ANPEP: variants seen among roughly 807,000 people sequenced by gnomAD.
ANPEP encodes alanyl aminopeptidase, membrane, also known as aminopeptidase N.
A neutral mutation model predicts 114.6 loss-of-function variants in ANPEP; 70 were observed. That is an observed-to-expected ratio of 0.61 (90% CI 0.50 to 0.75). ANPEP has a LOEUF of 0.75. Ranked by LOEUF, ANPEP falls within the 30% of genes least tolerant of loss-of-function variation. ANPEP has a pLI of 0.00. For synonymous variants in ANPEP, 548 were observed against 522.3 expected (o/e 1.05, Z -0.67); for missense variants, 1,184 against 1,259.5 (o/e 0.94, Z 0.91).
chr15:89,806,307 G>C lies in ANPEP; in HGVS notation c.277C>G (p.Leu93Val). The C allele has an allele frequency of 6.2e-7, 1 of 1,614,160 alleles. No homozygotes were observed. Among genetic ancestry groups the C allele is most frequent in the South Asian group, 1.1e-5 (1 of 91,080 alleles). ...TACAGGCCCCTGTCATTGGGGGTGA[G>C]GTACGGTCTCAGCGTCACCCGGTAG... is the stretch of plus-strand genomic sequence containing the variant. Reference protein sequence around the residue: ...DSYRVTLRPYLTPNDRGLYVF... With the variant: ...DSYRVTLRPYVTPNDRGLYVF... The change falls in exon 2 of 21, where the codon CTC becomes GTC. Residue 93 changes from leucine to valine, a missense_variant. Leu to Val is a conservative substitution (Grantham distance 32). Coordinates refer to ENST00000300060, the MANE Select transcript of ANPEP (RefSeq NM_001150.3). The surrounding 1 kb of genome is among the most constrained non-coding windows in gnomAD (Gnocchi z 5.7).
chr15:89,797,395 C>T, intron 15 of ANPEP, 180 bp downstream of exon 15: 1 of 899,218 alleles, frequency 1.1e-6, no homozygotes, highest in Non-Finnish European at 1.6e-6. Flanking sequence ...CGCTCTTTCA[C>T]CTGCGTGCTC....
chr15:89,793,002 A>G, intron 16 of ANPEP, 33 bp downstream of exon 16: 1 of 1,582,716 alleles, frequency 6.3e-7, no homozygotes, highest in African/African-American at 1.3e-5. Context: ...CGGGGTGCCC[A>G]GGACTTCCAA....
intron 4 of ANPEP, 177 bp from the exon 5 acceptor site, chr15:89,804,794 G>A (rs1034018563): frequency 2.1e-6 from 2 of 948,742 alleles, no homozygotes; most frequent in Non-Finnish European, 3.1e-6. Context: ...TCTGGAGGCT[G>A]TGGGTCCTAG....
intron 18 of ANPEP, 57 bp from the exon 19 acceptor site, chr15:89,791,150 C>T: frequency 1.3e-6 from 2 of 1,594,230 alleles, no homozygotes; most frequent in East Asian, 2.2e-5. Flanking sequence ...CAGGAGAGAA[C>T]TTGGACTGTC....
Position 89,799,696 on chromosome 15 carries a change from A to C in ANPEP, c.1820-137T>G, listed in dbSNP as rs1479191719. On this transcript the variant is annotated intron_variant, in intron 12 of 20. Coordinates refer to ENST00000300060, the MANE Select transcript of ANPEP (RefSeq NM_001150.3). This position sits in a 1 kb window ranked among gnomAD's most constrained non-coding sequence, Gnocchi z 4.2. Reference sequence around the variant, plus strand: ...TGCTGGGGAGACGCTAAGGGTGGGGAAGGAAGGGATGAGGAACTGGGCTGC... The same window carrying C: ...TGCTGGGGAGACGCTAAGGGTGGGGCAGGAAGGGATGAGGAACTGGGCTGC... The C allele has an allele frequency of 3.2e-5, 42 of 1,304,160 alleles. No individual in the cohort carries two copies. Among genetic ancestry groups the C allele is most frequent in the East Asian group, 2.1e-4 (9 of 43,082 alleles). 80.8% of individuals were successfully genotyped at this position (1,304,160 alleles called of 1,614,324 possible).
chr15:89,803,619 C>A lies in ANPEP; in HGVS notation c.1437+28G>T, dbSNP rs779028821. On this transcript the variant is annotated intron_variant, in intron 8 of 20. Transcript: ENST00000300060. This position sits in a 1 kb window ranked among gnomAD's most constrained non-coding sequence, Gnocchi z 4.2. ...TCCAGGCCAAGTCCCCACCTCCTTC[C>A]CCGTGCCCCACGAGGAGCGGGCTGC... The A allele has an allele frequency of 2.2e-5, 36 of 1,605,188 alleles. No individual in the cohort carries two copies. The highest frequency in any genetic ancestry group is 2.8e-5 in the Non-Finnish European group (33 of 1,175,066).
At chr15:89,804,134 C>T (rs1894656705) in intron 6 of ANPEP, 119 bp downstream of exon 6, 1 of 1,555,664 alleles carries the variant, frequency 6.4e-7, no homozygotes, top group South Asian at 1.2e-5. Context: ...CCCCTTCCTG[C>T]TGCCCTGCCA....
intron 1 of ANPEP, among the ~76,000 whole-genome samples, chr15:89,812,828 A>G (rs923173370): frequency 6.6e-6 from 1 of 152,144 alleles, no homozygotes; most frequent in Non-Finnish European, 1.5e-5. Flanking sequence ...TATGCCTCCT[A>G]AAAATGTCCT....
At chr15:89,807,683 A>G (rs1244315801) in intron 1 of ANPEP, among the ~76,000 whole-genome samples, 2 of 152,264 alleles carry the variant, frequency 1.3e-5, no homozygotes, top group Admixed American at 1.3e-4. Context: ...CCTGGGTGAC[A>G]GAGTGAGACT....
chr15:89,797,951 T>C (rs1049068445), intron 14 of ANPEP, among the ~76,000 whole-genome samples: 1 of 152,244 alleles, frequency 6.6e-6, no homozygotes, highest in African/African-American at 2.4e-5. Context: ...CCTCACCCAT[T>C]GGCAGTTCCA....
At chr15:89,801,333 G>A in intron 11 of ANPEP, 102 bp downstream of exon 11, 1 of 1,546,854 alleles carries the variant, frequency 6.5e-7, no homozygotes, top group South Asian at 1.2e-5. Flanking sequence ...TGTCTACAGT[G>A]GCTGGGGCTG....
Position 89,791,059 on chromosome 15 carries a change from G to A in ANPEP, c.2563C>T (p.Arg855Trp), listed in dbSNP as rs369201239. The A allele has an allele frequency of 1.2e-5, 19 of 1,614,106 alleles. No homozygotes were observed. The highest frequency in any genetic ancestry group is 2.2e-5 in the East Asian group (1 of 44,892). The change falls in exon 19 of 21, where the codon CGG becomes TGG. Residue 855 changes from arginine (R) to tryptophan (W), a missense_variant. Physicochemically the swap from Arg to Trp is moderately radical, Grantham distance 101. Coordinates refer to ENST00000300060, the MANE Select transcript of ANPEP (RefSeq NM_001150.3). ...ATGGTAGAGGTGGCGTCCTGCTTCC[G>A]GATTAAGTCCGGGTTCAGGGTGTAG... Reference protein sequence around the residue: ...LSYTLNPDLIRKQDATSTIIS... With the variant: ...LSYTLNPDLIWKQDATSTIIS...
At position 89,799,395 on chromosome 15, in the gene ANPEP, G is replaced by A. The variant is rs374874026; in HGVS notation, c.1953+31C>T. On this transcript the variant is annotated intron_variant, in intron 13 of 20. Transcript: ENST00000300060. This position sits in a 1 kb window ranked among gnomAD's most constrained non-coding sequence, Gnocchi z 4.2. Reference sequence around the variant, plus strand: ...GCAGTCTGGTGCCTGTCCTGGGGCAGGGGGCAGGGCGAGGGGTGGCAGACA... The same window carrying A: ...GCAGTCTGGTGCCTGTCCTGGGGCAAGGGGCAGGGCGAGGGGTGGCAGACA... 6 of 1,613,098 alleles carry A rather than the reference G, an allele frequency of 3.7e-6. No individual in the cohort carries two copies. The highest frequency in any genetic ancestry group is 1.6e-4 in the Middle Eastern group (1 of 6,080).
chr15:89,806,707 A>G lies in ANPEP; in HGVS notation c.-124T>C. On this transcript the variant is annotated 5_prime_UTR_variant, in exon 2 of 21. Transcript: ENST00000300060. This position sits in a 1 kb window ranked among gnomAD's most constrained non-coding sequence, Gnocchi z 5.7. ...CAGGCAGACTGGGCAAAAATTAACC[A>G]GGGCTCCAACAGGCGAAGGTCACTG... The G allele has an allele frequency of 7.1e-7, 1 of 1,416,382 alleles. No homozygotes were observed. Among genetic ancestry groups the G allele is most frequent in the Non-Finnish European group, 9.3e-7 (1 of 1,078,568 alleles). The allele number at this position is 1,416,382 out of a possible 1,614,324, so 87.7% of individuals were successfully genotyped here. A position where few individuals can be genotyped will look rare whatever the true frequency, so the allele number is the denominator to read the frequency against.
Position 89,806,176 on chromosome 15 carries a change from C to T in ANPEP, c.408G>A (p.Arg136=). The stretch of plus-strand genomic sequence containing the variant: ...AGCCTCCCACACCACGCAGGACCAC[C>T]CTGTGCCCCTGGCTGAGGGTGTAGT... The part of the protein sequence containing the change: ...KLNYTLSQGH[R]VVLRGVGGSQ... The change falls in exon 2 of 21, where the codon AGG becomes AGA. Residue 136 remains arginine, a synonymous_variant. Coordinates refer to ENST00000300060, the MANE Select transcript of ANPEP (RefSeq NM_001150.3). The surrounding 1 kb of genome is among the most constrained non-coding windows in gnomAD (Gnocchi z 5.7). The T allele has an allele frequency of 6.2e-7, 1 of 1,614,134 alleles. No individual in the cohort carries two copies. The highest frequency in any genetic ancestry group is 1.6e-4 in the Middle Eastern group (1 of 6,062).
Position 89,805,083 on chromosome 15 carries a change from C to T in ANPEP, c.892G>A (p.Val298Ile). Reference sequence around the variant, plus strand: ...AGATGGGCCCAGCCTCATACCAAGACACCATTGGATGCCTGCTTCTCCACG... The same window carrying T: ...AGATGGGCCCAGCCTCATACCAAGATACCATTGGATGCCTGCTTCTCCACG... ...DYVEKQASNG[V>I]LIRIWARPSA... Residue 298 changes from valine to isoleucine, a missense_variant, in exon 4 of 21, where the codon GTC (valine) becomes ATC (isoleucine). Transcript: ENST00000300060. 1 of 1,614,230 alleles carries T rather than the reference C, an allele frequency of 6.2e-7. No individual in the cohort carries two copies. The highest frequency in any genetic ancestry group is 8.5e-7 in the Non-Finnish European group (1 of 1,180,032).
At position 89,806,152 on chromosome 15, in the gene ANPEP, G is replaced by T; in HGVS notation, c.432C>A (p.Gly144=). 1 of 1,614,042 alleles carries T rather than the reference G, an allele frequency of 6.2e-7. No individual in the cohort carries two copies. Among genetic ancestry groups the T allele is most frequent in the Non-Finnish European group, 8.5e-7 (1 of 1,179,956 alleles). The change falls in exon 2 of 21, where the codon GGC becomes GGA. Residue 144 remains glycine (G), a synonymous_variant. Coordinates refer to ENST00000300060, the MANE Select transcript of ANPEP (RefSeq NM_001150.3). This position sits in a 1 kb window ranked among gnomAD's most constrained non-coding sequence, Gnocchi z 5.7. ...GHRVVLRGVG[G]SQPPDIDKTE... is the part of the protein sequence containing the mutation. ...TCTTGTCAATGTCGGGGGGCTGGGA[G>T]CCTCCCACACCACGCAGGACCACCC...
chr15:89,787,677 A>G (rs1968532719), intron 20 of ANPEP, among the ~76,000 whole-genome samples: 1 of 152,238 alleles, frequency 6.6e-6, no homozygotes, highest in Non-Finnish European at 1.5e-5. Context: ...ATTTTAAAAT[A>G]GCAAAAGACT....
At chr15:89,812,879 G>T (rs1271027784) in intron 1 of ANPEP, among the ~76,000 whole-genome samples, 1 of 152,158 alleles carries the variant, frequency 6.6e-6, no homozygotes, top group Non-Finnish European at 1.5e-5. Context: ...GTGCCAAGGG[G>T]AGTTGAAGAC....
Sources: allele counts gnomAD v4.1 joint callset (sites outside exome capture counted in the v4.1 genomes callset), GRCh38; gene constraint gnomAD v4.1.1; non-coding constraint Gnocchi (gnomAD v3.1); transcripts MANE v1.5; gene names NCBI Gene and HGNC (gene_info 2026-07-23, HGNC 2026-07-21).